The following ALDH7A1 variants were observed in gnomAD, a reference collection of about 807,000 sequenced individuals.
The protein encoded by ALDH7A1 is aldehyde dehydrogenase 7 family member A1.
Under a neutral mutation model 79.9 loss-of-function variants are expected in ALDH7A1, and 63 were observed. The ratio of observed to expected loss-of-function variants is 0.79; its 90% confidence interval spans 0.64 to 0.97. ALDH7A1 has a LOEUF of 0.97. ALDH7A1 is among the 50% of genes least tolerant of loss of function. ALDH7A1 has a pLI of 0.00. For missense variants in ALDH7A1, 627 were observed against 665.2 expected, an observed-to-expected ratio of 0.94 and a Z score of 0.63; for synonymous variants, 240 against 231.2, an observed-to-expected ratio of 1.04 and a Z score of -0.34.
chr5:126,557,945 A>G (rs1238101514), intron 11 of ALDH7A1, among the ~76,000 whole-genome samples: 2 of 151,898 alleles, frequency 1.3e-5, no homozygotes, highest in Admixed American at 1.3e-4. Flanking sequence ...AGGTAGGTGG[A>G]TCAGCTGAGG....
At chr5:126,561,033 G>A (rs1750384941) in intron 10 of ALDH7A1, 50 bp downstream of exon 10, 11 of 1,594,686 alleles carry the variant, frequency 6.9e-6, no homozygotes, top group South Asian at 2.2e-5. Flanking sequence ...TCAGGATGGC[G>A]ACTGTGGAAA....
At chr5:126,565,394 C>CAAAAAAAAAAAAAAAAA in intron 9 of ALDH7A1, among the ~76,000 whole-genome samples, 1 of 63,330 alleles carries the variant, frequency 1.6e-5, no homozygotes, top group Non-Finnish European at 2.7e-5. Context: ...GATTCCATCT[C>CAAAAAAAAAAAAAAAAA]AAAAAAAAAA....
intron 11 of ALDH7A1, among the ~76,000 whole-genome samples, chr5:126,558,335 T>C (rs1750278635): frequency 6.6e-6 from 1 of 152,034 alleles, no homozygotes; most frequent in Admixed American, 6.6e-5. Flanking sequence ...AAATCCCATA[T>C]TGAAGCTAAA....
intron 4 of ALDH7A1, 69 bp from the exon 5 acceptor site, chr5:126,583,043 AGG>A: frequency 6.4e-7 from 1 of 1,573,082 alleles, no homozygotes. Flanking sequence ...AATTAAAGAA[AGG>A]GGGAAGCAAA....
chr5:126,580,066 T>A (rs1211587356), intron 5 of ALDH7A1: 1 of 167,602 alleles, frequency 6.0e-6, no homozygotes, highest in Non-Finnish European at 1.5e-5. Context: ...CATGTACATA[T>A]CCCCAAATTG....
At position 126,549,924 on chromosome 5, in the gene ALDH7A1, C is replaced by T. The variant is rs368820286; in HGVS notation, c.1489+5G>A. On this transcript the variant is annotated splice_donor_5th_base_variant and intron_variant, in intron 16 of 17. Transcript: ENST00000409134. ...ATGGAAAAGGAGAAATGATTCTCTA[C>T]GTACCAAAGGCACCTCCAATCTCAG... 44 of 1,613,630 alleles carry T rather than the reference C, an allele frequency of 2.7e-5. No homozygotes were observed. The highest frequency in any genetic ancestry group is 3.2e-5 in the Non-Finnish European group (38 of 1,179,664).
chr5:126,544,708 G>C lies in ALDH7A1; in HGVS notation c.*257C>G. ...CAAAATAATCATTAACTTTTAAAAA[G>C]CCATGTACAACTAGTTGACATAATA... On this transcript the variant is annotated 3_prime_UTR_variant, in exon 18 of 18. Coordinates refer to ENST00000409134, the MANE Select transcript of ALDH7A1 (RefSeq NM_001182.5). 6.2e-6 allele frequency: 3 copies of C among 480,906 alleles called. No individual in the cohort carries two copies. The South Asian group carries it at 6.8e-5, about 11-fold the overall frequency. The allele number at this position is 480,906 out of a possible 1,614,324, so 29.8% of individuals were successfully genotyped here. A position where few individuals can be genotyped will look rare whatever the true frequency, so the allele number is the denominator to read the frequency against.
At chr5:126,578,503 T>G (rs1374780133) in intron 5 of ALDH7A1, among the ~76,000 whole-genome samples, 1 of 150,276 alleles carries the variant, frequency 6.7e-6, no homozygotes, top group Non-Finnish European at 1.5e-5. Context: ...TAGTTAGGTG[T>G]GATTGGTTAT....
At position 126,577,061 on chromosome 5, in the gene ALDH7A1, A is replaced by C; in HGVS notation, c.650+18T>G. 4 of 1,613,550 alleles carry C rather than the reference A, an allele frequency of 2.5e-6. No homozygotes were observed. Among genetic ancestry groups the C allele is most frequent in the Non-Finnish European group, 3.4e-6 (4 of 1,180,038 alleles). Reference sequence around the variant, plus strand: ...TTTTTATCACTCACTACTAAATAGGAAAGTGAGCAGGTCTTACCAGAGGCA... The same window carrying C: ...TTTTTATCACTCACTACTAAATAGGCAAGTGAGCAGGTCTTACCAGAGGCA... On this transcript the variant is annotated intron_variant, in intron 6 of 17. Transcript: ENST00000409134.
intron 9 of ALDH7A1, chr5:126,564,654 C>T: frequency 1.1e-6 from 1 of 887,784 alleles, no homozygotes; most frequent in Non-Finnish European, 1.5e-6. Context: ...CTACCAAAAG[C>T]CACCAAATGC....
intron 9 of ALDH7A1, chr5:126,561,458 G>C: frequency 5.4e-6 from 1 of 183,552 alleles, no homozygotes; most frequent in East Asian, 1.4e-4. Flanking sequence ...ACTCCAAACA[G>C]TTCAACAATA....
intron 11 of ALDH7A1, among the ~76,000 whole-genome samples, chr5:126,558,755 G>A (rs1326751702): frequency 6.6e-6 from 1 of 151,984 alleles, no homozygotes; most frequent in Non-Finnish European, 1.5e-5. Context: ...CGAACTACTG[G>A]GCTCAAGGAA....
In ALDH7A1 at chr5:126,552,035, CAT is replaced by C. The variant is rs753671880; in HGVS notation, c.1301_1302del (p.Tyr434CysfsTer3). ...TGCATTTTTACCTTGAATTTAAAGA[CAT>C]AGAGAATCGGAGCAAAAGTCTCTGT... Reference protein sequence around the residue: ...AHTETFAPILYVFKFKNEEEV... With the variant: ...AHTETFAPILXVFKFKNEEEV... On this transcript the variant is annotated frameshift_variant, in exon 14 of 18. Coordinates refer to ENST00000409134, the MANE Select transcript of ALDH7A1 (RefSeq NM_001182.5). LOFTEE classifies it high-confidence loss of function. The C allele has an allele frequency of 4.3e-6, 7 of 1,612,996 alleles. No individual in the cohort carries two copies. The South Asian group carries it at 4.4e-5, about 10-fold the overall frequency.
intron 10 of ALDH7A1, 149 bp downstream of exon 10, chr5:126,560,934 G>A: frequency 1.2e-6 from 1 of 835,774 alleles, no homozygotes; most frequent in Non-Finnish European, 2.0e-6. Context: ...CTTGTGTCCT[G>A]TCTCCCAAGT....
chr5:126,565,195 C>A (rs1158039451), intron 9 of ALDH7A1, among the ~76,000 whole-genome samples: 1 of 152,028 alleles, frequency 6.6e-6, no homozygotes, highest in Non-Finnish European at 1.5e-5. Context: ...GAGTTTGAGA[C>A]CAGCCTGGCC....
intron 10 of ALDH7A1, among the ~76,000 whole-genome samples, chr5:126,559,922 C>T (rs1485701328): frequency 6.6e-6 from 1 of 151,588 alleles, no homozygotes; most frequent in Non-Finnish European, 1.5e-5. Flanking sequence ...GCCTCTTCAT[C>T]TTTTATTTCT....
intron 8 of ALDH7A1, chr5:126,570,280 GA>G (rs899222521): frequency 1.6e-4 from 30 of 186,930 alleles, no homozygotes; most frequent in African/African-American, 7.2e-4. Flanking sequence ...CACTTTAAAA[GA>G]GAGCATTTCA....
chr5:126,574,023 C>CAAAAAAAAAAAAAAAAAAAAA (rs34601459), intron 7 of ALDH7A1, among the ~76,000 whole-genome samples: 1 of 57,244 alleles, frequency 1.7e-5, no homozygotes. Context: ...AAGACTGTCT[C>CAAAAAAAAAAAAAAAAAAAAA]AAAAAAAAAA....
intron 4 of ALDH7A1, 118 bp from the exon 5 acceptor site, chr5:126,583,092 G>T: frequency 7.8e-7 from 1 of 1,285,004 alleles, no homozygotes; most frequent in Non-Finnish European, 1.1e-6. Flanking sequence ...AAGAAAGTCT[G>T]TTTCATTTTC....
Sources: allele counts gnomAD v4.1 joint callset (sites outside exome capture counted in the v4.1 genomes callset), GRCh38; gene constraint gnomAD v4.1.1; transcripts MANE v1.5; gene names NCBI Gene and HGNC (gene_info 2026-07-23, HGNC 2026-07-21).